ERCC6: variants seen among roughly 807,000 people sequenced by gnomAD.
The protein encoded by ERCC6 is ERCC excision repair 6, chromatin remodeling factor.
In ERCC6, 116 loss-of-function variants were observed where a neutral mutation model predicts 158.7. The observed-to-expected ratio is 0.73, with a 90% CI of 0.63 to 0.85. The LOEUF (loss-of-function observed/expected upper bound fraction) is 0.85. ERCC6 is among the 40% of genes least tolerant of loss of function. The pLI, the probability that ERCC6 is intolerant of heterozygous loss-of-function variation, is 0.00. For synonymous variants in ERCC6, 678 were observed against 659.3 expected, an observed-to-expected ratio of 1.03 and a Z score of -0.43; for missense variants, 1,698 against 1,799.4, an observed-to-expected ratio of 0.94 and a Z score of 1.02.
chr10:49,457,923 C>T lies in ERCC6; in HGVS notation c.*892G>A, dbSNP rs2132522491. 1.3e-5 allele frequency: 2 copies of T among 152,366 alleles called. No homozygotes were observed. Among genetic ancestry groups the T allele is most frequent in the Middle Eastern group, 6.8e-3 (2 of 294 alleles). The allele number at this position is 152,366 out of a possible 1,614,324, so 9.4% of individuals were successfully genotyped here. On this transcript the variant is annotated 3_prime_UTR_variant, in exon 21 of 21. Transcript: ENST00000355832. ...AAGGAATGCAAAGGCAGGCGCAAGA[C>T]GAAGGCAACTGGAGAGAAGACAGCC...
At position 49,515,728 on chromosome 10, in the gene ERCC6, C is replaced by T. The variant is rs1262210694; in HGVS notation, c.1397+8305G>A. The T allele has an allele frequency of 1.1e-5, 17 of 1,614,030 alleles. No homozygotes were observed. The highest frequency in any genetic ancestry group is 3.3e-5 in the Admixed American group (2 of 59,998). On this transcript the variant is annotated intron_variant, in intron 5 of 20. Transcript: ENST00000355832. Reference sequence around the variant, plus strand: ...TCAATGTTTTCATCAGCTCTGTCTACGCCTCCCATGAACTGGTTATACACT... The same window carrying T: ...TCAATGTTTTCATCAGCTCTGTCTATGCCTCCCATGAACTGGTTATACACT...
chr10:49,440,549 A>AT, the ERCC6 span, among the ~76,000 whole-genome samples: 1 of 152,202 alleles, frequency 6.6e-6, no homozygotes, highest in African/African-American at 2.4e-5. Flanking sequence ...GGGGTGGCTA[A>AT]TTCTTTTTGT....
At chr10:49,482,332 T>C (rs1238411293) in intron 10 of ERCC6, among the ~76,000 whole-genome samples, 1 of 152,226 alleles carries the variant, frequency 6.6e-6, no homozygotes, top group East Asian at 1.9e-4. Flanking sequence ...AATTACATGC[T>C]GTTCCAAACT....
intron 4 of ERCC6, among the ~76,000 whole-genome samples, chr10:49,526,816 G>A (rs7082895): frequency 0.43 from 65,000 of 151,924 alleles, 14,911 homozygotes; most frequent in East Asian, 0.52. Flanking sequence ...GTGTCCAGAC[G>A]GAGAGATATA....
chr10:49,514,584 A>C (rs1343159845), intron 5 of ERCC6, among the ~76,000 whole-genome samples: 1 of 151,670 alleles, frequency 6.6e-6, no homozygotes, highest in African/African-American at 2.4e-5. Context: ...GAGCAGTTTA[A>C]ATCTACACCG....
At chr10:49,512,865 T>A (rs889686142) in intron 5 of ERCC6, among the ~76,000 whole-genome samples, 3 of 152,248 alleles carry the variant, frequency 2.0e-5, no homozygotes, top group Non-Finnish European at 4.4e-5. Context: ...ACTTGTGGCA[T>A]CACGTTGCTA....
chr10:49,498,758 T>C (rs1851307497), intron 7 of ERCC6, among the ~76,000 whole-genome samples: 1 of 152,192 alleles, frequency 6.6e-6, no homozygotes, highest in Non-Finnish European at 1.5e-5. Flanking sequence ...ATGTTTTAAT[T>C]TTTAGATCAA....
intron 5 of ERCC6, chr10:49,516,865 C>T: frequency 2.5e-6 from 4 of 1,614,134 alleles, no homozygotes; most frequent in East Asian, 2.2e-5. Flanking sequence ...GGAGAGTCAT[C>T]TTTAGGTGCG....
In ERCC6 at chr10:49,493,109, T is replaced by C. The variant is rs1267161779; in HGVS notation, c.1821+8A>G. 3 of 1,613,794 alleles carry C rather than the reference T, an allele frequency of 1.9e-6. No individual in the cohort carries two copies. The African/African-American group carries it at 4.0e-5, about 22-fold the overall frequency. On this transcript the variant is annotated splice_region_variant and intron_variant, in intron 8 of 20. Coordinates refer to ENST00000355832, the MANE Select transcript of ERCC6 (RefSeq NM_000124.4). ...ACAAAACAAAAAGGTACTGAAATAT[T>C]GTGTTACCTTTTTGTGGGTATAGGA...
intron 5 of ERCC6, chr10:49,515,609 A>C (rs1446204378): frequency 6.2e-7 from 1 of 1,613,996 alleles, no homozygotes; most frequent in Admixed American, 1.7e-5. Context: ...CATATGTTTT[A>C]TGCAATTGCC....
At chr10:49,451,525 C>A (rs1028639636), downstream of ERCC6, among the ~76,000 whole-genome samples, 2 of 152,112 alleles carry the variant, frequency 1.3e-5, no homozygotes, top group Non-Finnish European at 2.9e-5. Context: ...GCTATTTTTG[C>A]ATCAGTAGAG....
chr10:49,474,270 TC>T (rs1195973731), intron 12 of ERCC6, 28 bp from the exon 13 acceptor site: 3 of 1,557,614 alleles, frequency 1.9e-6, no homozygotes, highest in Middle Eastern at 1.7e-4. Flanking sequence ...ACATGTACAC[TC>T]AGATGACCCC....
intron 5 of ERCC6, among the ~76,000 whole-genome samples, chr10:49,512,690 T>C (rs1422821560): frequency 6.6e-6 from 1 of 152,248 alleles, no homozygotes; most frequent in Non-Finnish European, 1.5e-5. Context: ...CACAATGAGA[T>C]ATGTTGGGAT....
chr10:49,525,899 G>T (rs1837306835), intron 4 of ERCC6, among the ~76,000 whole-genome samples: 1 of 151,580 alleles, frequency 6.6e-6, no homozygotes, highest in African/African-American at 2.4e-5. Flanking sequence ...TACGTAAGTG[G>T]AAATGTTTGT....
At chr10:49,528,238 G>C (rs1309900712) in intron 4 of ERCC6, among the ~76,000 whole-genome samples, 179 bp downstream of exon 4, 1 of 152,226 alleles carries the variant, frequency 6.6e-6, no homozygotes, top group African/African-American at 2.4e-5. Context: ...AATTCTCTTT[G>C]AGAGGGATTT....
At chr10:49,485,266 G>C (rs920248555) in intron 8 of ERCC6, among the ~76,000 whole-genome samples, 1 of 152,200 alleles carries the variant, frequency 6.6e-6, no homozygotes, top group Non-Finnish European at 1.5e-5. Flanking sequence ...TAATGTACCA[G>C]GTCACGCAGC....
chr10:49,472,543 C>T, intron 15 of ERCC6, 73 bp from the exon 16 acceptor site: 1 of 1,496,522 alleles, frequency 6.7e-7, no homozygotes, highest in Non-Finnish European at 9.3e-7. Context: ...AGAAACAAAG[C>T]TAGCTGGTCA....
chr10:49,477,608 C>A (rs181156051), intron 11 of ERCC6, among the ~76,000 whole-genome samples: 7 of 152,272 alleles, frequency 4.6e-5, no homozygotes, highest in Admixed American at 4.6e-4. Context: ...CCCAGGTCTT[C>A]ACTTCTGTTC....
chr10:49,470,781 T>C lies in ERCC6; in HGVS notation c.3179A>G (p.Asn1060Ser), dbSNP rs759664342. ...VPKRKKFPAS[N>S]ISVNDATSSE... ...TGATGTGGCATCATTTACAGATATG[T>C]TAGAAGCAGGGAACTTCTTGCGTTT... is the stretch of plus-strand genomic sequence containing the variant. The change falls in exon 18 of 21, where the codon AAC becomes AGC. Residue 1060 changes from asparagine (N) to serine (S), a missense_variant. By Grantham distance (46) the Asn-to-Ser change is conservative. Transcript: ENST00000355832. 6.2e-7 allele frequency: 1 copy of C among 1,614,180 alleles called. No homozygotes were observed. Among genetic ancestry groups the C allele is most frequent in the South Asian group, 1.1e-5 (1 of 91,084 alleles).
Sources: gnomAD v4.1 joint callset for allele counts (sites outside exome capture counted in the v4.1 genomes callset) on GRCh38, gnomAD v4.1.1 for gene constraint, MANE v1.5 for transcripts, NCBI Gene and HGNC (gene_info 2026-07-23, HGNC 2026-07-21) for gene names.